Variants in TMED3 observed in about 807,000 individuals in gnomAD.
TMED3 encodes the protein transmembrane emp24 domain-containing protein 3.
In TMED3, 9 loss-of-function variants were observed where a neutral mutation model predicts 15.0. The observed-to-expected ratio is 0.60, with a 90% CI of 0.36 to 1.04. TMED3 has a LOEUF of 1.04. Ranked by LOEUF, TMED3 falls within the 50% of genes least tolerant of loss-of-function variation. The pLI, the probability that TMED3 is intolerant of heterozygous loss-of-function variation, is 0.01. For synonymous variants in TMED3, 117 were observed against 121.4 expected (o/e 0.96, Z 0.24); for missense variants, 267 against 278.9 (o/e 0.96, Z 0.30).
At chr15:79,396,140 C>G (rs1307363553) in intron 2 of TMED3, among the ~76,000 whole-genome samples, 1 of 152,118 alleles carries the variant, frequency 6.6e-6, no homozygotes, top group Non-Finnish European at 1.5e-5. Context: ...TAAAGTTTGC[C>G]CTCCGTAACA....
At position 79,313,079 on chromosome 15, in the gene TMED3, C is replaced by T. The variant is rs908703885; in HGVS notation, c.169-678C>T. Among the ~76,000 whole-genome samples the T allele has an allele frequency of 3.9e-5, 6 of 152,294 alleles. No homozygotes were observed. In the East Asian group the frequency reaches 1.2e-3, roughly 29 times the overall value. On this transcript the variant is annotated intron_variant, in intron 1 of 2. Transcript: ENST00000299705. ...CTTTAGGTGTGATAACTTATTGACT[C>T]CTCACTTCATGGATAAAGACATATC...
chr15:79,336,903 T>A (rs1338788607), intron 2 of TMED3, among the ~76,000 whole-genome samples: 1 of 152,182 alleles, frequency 6.6e-6, no homozygotes, highest in Non-Finnish European at 1.5e-5. Flanking sequence ...AACTTCCAAG[T>A]GTCAAAGTAG....
chr15:79,401,783 C>T (rs1893837644), intron 2 of TMED3, among the ~76,000 whole-genome samples: 1 of 152,172 alleles, frequency 6.6e-6, no homozygotes, highest in African/African-American at 2.4e-5. Context: ...AGAAGATTTT[C>T]CTGTCAAATC....
chr15:79,344,620 T>C (rs1344257670), intron 2 of TMED3, among the ~76,000 whole-genome samples: 1 of 152,228 alleles, frequency 6.6e-6, no homozygotes, highest in Non-Finnish European at 1.5e-5. Flanking sequence ...GATCCTTACT[T>C]TAATTACATC....
chr15:79,324,631 G>T (rs2058780912), downstream of TMED3, among the ~76,000 whole-genome samples: 1 of 152,164 alleles, frequency 6.6e-6, no homozygotes, highest in Non-Finnish European at 1.5e-5. Context: ...TTAAATTCAT[G>T]ATGAAATATT....
intron 2 of TMED3, among the ~76,000 whole-genome samples, chr15:79,335,574 A>G (rs1390258524): frequency 6.6e-6 from 1 of 152,158 alleles, no homozygotes; most frequent in Non-Finnish European, 1.5e-5. Context: ...CCACTCTTGA[A>G]TCAGCTACCC....
At chr15:79,342,420 T>C (rs963936052) in intron 2 of TMED3, among the ~76,000 whole-genome samples, 1 of 152,182 alleles carries the variant, frequency 6.6e-6, no homozygotes, top group Non-Finnish European at 1.5e-5. Flanking sequence ...AAAAGGTTAA[T>C]CTCTGCTTCA....
intron 2 of TMED3, among the ~76,000 whole-genome samples, chr15:79,391,385 G>A (rs112698867): frequency 6.6e-6 from 1 of 152,062 alleles, no homozygotes; most frequent in Non-Finnish European, 1.5e-5. Flanking sequence ...AATTTTGAAG[G>A]TTCCTTTTGG....
chr15:79,358,257 C>G lies in TMED3; in HGVS notation c.417+44252C>G, dbSNP rs566984581. Among the ~76,000 whole-genome samples the G allele has an allele frequency of 3.9e-5, 6 of 152,276 alleles. 1 individual carries two copies. The highest frequency in any genetic ancestry group is 8.8e-5 in the Non-Finnish European group (6 of 68,030). On this transcript the variant is annotated intron_variant, in intron 2 of 2. Transcript: ENST00000424155. ...GCTGTCTCACAACCCTGTGAACAGC[C>G]AGGAGAAGCAGACAGCTGCAAGGTC...
chr15:79,311,710 T>C (rs2058715447), intron 1 of TMED3, among the ~76,000 whole-genome samples: 1 of 152,052 alleles, frequency 6.6e-6, no homozygotes, highest in African/African-American at 2.4e-5. Flanking sequence ...CAAAGAGATA[T>C]CCGCAGGCCC....
At chr15:79,338,657 A>G (rs1172352880) in intron 2 of TMED3, among the ~76,000 whole-genome samples, 1 of 152,180 alleles carries the variant, frequency 6.6e-6, no homozygotes, top group Non-Finnish European at 1.5e-5. Context: ...CAATATTATA[A>G]TAATCCTTGC....
intron 2 of TMED3, among the ~76,000 whole-genome samples, chr15:79,358,442 G>A (rs1893058932): frequency 1.3e-5 from 2 of 152,232 alleles, no homozygotes; most frequent in South Asian, 4.1e-4. Context: ...AGAAAATTAT[G>A]TTTGGCTGTG....
At chr15:79,332,866 C>T (rs545526913) in intron 2 of TMED3, among the ~76,000 whole-genome samples, 121 of 152,284 alleles carry the variant, frequency 7.9e-4, no homozygotes, top group African/African-American at 2.7e-3. Context: ...AATTTAACTT[C>T]GTCATTTCCA....
intron 2 of TMED3, among the ~76,000 whole-genome samples, chr15:79,358,782 T>C (rs548731201): frequency 6.6e-6 from 1 of 152,350 alleles, no homozygotes; most frequent in Non-Finnish European, 1.5e-5. Context: ...CATGCAGCTT[T>C]CCCTGGGGTG....
chr15:79,317,679 ATG>A (rs1411485914), intron 2 of TMED3, among the ~76,000 whole-genome samples: 10 of 152,152 alleles, frequency 6.6e-5, no homozygotes, highest in Middle Eastern at 3.2e-3. Context: ...GTATACACTT[ATG>A]TGTGTGTCTC....
In TMED3 at chr15:79,322,810, CTG is replaced by C. The variant is rs922452994; in HGVS notation, c.*599_*600del. ...CTAGGAGGTAGAAAACTGTGGGAAA[CTG>C]TGGCTAATAAAAACTAAGTGTGAGC... On this transcript the variant is annotated 3_prime_UTR_variant, in exon 3 of 3. Coordinates refer to ENST00000299705, the MANE Select transcript of TMED3 (RefSeq NM_007364.4). The C allele has an allele frequency of 4.1e-6, 4 of 985,414 alleles. No individual in the cohort carries two copies. The African/African-American group carries it at 5.2e-5, about 13-fold the overall frequency. The allele number at this position is 985,414 out of a possible 1,614,324, so 61.0% of individuals were successfully genotyped here.
chr15:79,353,129 TAA>T (rs1301869206), intron 2 of TMED3, among the ~76,000 whole-genome samples: 1 of 77,180 alleles, frequency 1.3e-5, no homozygotes, highest in Non-Finnish European at 2.2e-5. Context: ...ATAATATATA[TAA>T]AATATATAAA....
intron 2 of TMED3, among the ~76,000 whole-genome samples, chr15:79,349,463 T>G (rs1189140601): frequency 6.6e-6 from 1 of 152,080 alleles, no homozygotes; most frequent in Admixed American, 6.6e-5. Flanking sequence ...CTCATTCATG[T>G]CCCTCTTTTT....
At chr15:79,388,935 G>A (rs1037660494) in intron 2 of TMED3, among the ~76,000 whole-genome samples, 1 of 149,778 alleles carries the variant, frequency 6.7e-6, no homozygotes, top group South Asian at 2.1e-4. Context: ...TTTTTGATGA[G>A]ATTGTTTTTT....
Sources: gnomAD v4.1 joint callset for allele counts (sites outside exome capture counted in the v4.1 genomes callset) on GRCh38, gnomAD v4.1.1 for gene constraint, MANE v1.5 for transcripts, NCBI Gene and HGNC (gene_info 2026-07-23, HGNC 2026-07-21) for gene names.